Variants in PTPDC1 observed in about 807,000 individuals in gnomAD.
PTPDC1 encodes the protein protein tyrosine phosphatase domain-containing protein 1.
In PTPDC1, 53 loss-of-function variants were observed where a neutral mutation model predicts 75.3. That is an observed-to-expected ratio of 0.70 (90% confidence interval 0.56 to 0.88). The LOEUF (loss-of-function observed/expected upper bound fraction) is 0.88. Ranked by LOEUF, PTPDC1 falls within the 40% of genes least tolerant of loss-of-function variation. The probability of loss-of-function intolerance (pLI) is 0.00; values close to 1 mark genes in which losing one functional copy is unlikely to be tolerated. For synonymous variants in PTPDC1, 349 were observed against 366.2 expected (o/e 0.95, Z 0.54); for missense variants, 925 against 998.6 (o/e 0.93, Z 0.99).
chr9:94,037,970 T>A, intron 1 of PTPDC1: 1 of 282,088 alleles, frequency 3.5e-6, no homozygotes, highest in South Asian at 4.2e-5. Context: ...TTTGAGAGAG[T>A]GGGACGTCCG....
chr9:94,060,487 C>T (rs1184800542), intron 1 of PTPDC1, among the ~76,000 whole-genome samples: 4 of 152,154 alleles, frequency 2.6e-5, no homozygotes, highest in African/African-American at 9.7e-5. Flanking sequence ...TTTAAATAGT[C>T]ATTGTGTTAG....
intron 8 of PTPDC1, among the ~76,000 whole-genome samples, chr9:94,106,118 T>C (rs994034444): frequency 6.6e-6 from 1 of 152,204 alleles, no homozygotes; most frequent in African/African-American, 2.4e-5. Context: ...CTGAAAGCAG[T>C]AGGAATTCTT....
At chr9:94,075,230 G>C (rs974185118) in intron 2 of PTPDC1, among the ~76,000 whole-genome samples, 1 of 152,090 alleles carries the variant, frequency 6.6e-6, no homozygotes, top group Admixed American at 6.6e-5. Flanking sequence ...TTAGCTCCCT[G>C]ATCAGCCCCA....
At position 94,088,187 on chromosome 9, in the gene PTPDC1, G is replaced by A. The variant is rs369568736; in HGVS notation, c.540G>A (p.Glu180=). 6.2e-7 allele frequency: 1 copy of A among 1,613,904 alleles called. No homozygotes were observed. The highest frequency in any genetic ancestry group is 8.5e-7 in the Non-Finnish European group (1 of 1,179,938). The change falls in exon 4 of 9, where the codon GAG becomes GAA. Residue 180 remains glutamate, a synonymous_variant. Transcript: ENST00000620992. ...TAATCAACCTCCAGCGCCCTGGTGA[G>A]CATGCTAGCTGTGGGAACCCTCTGG... ...KTIINLQRPG[E]HASCGNPLEQ...
intron 4 of PTPDC1, among the ~76,000 whole-genome samples, chr9:94,094,184 G>A (rs1442815027): frequency 6.6e-6 from 1 of 152,068 alleles, no homozygotes; most frequent in African/African-American, 2.4e-5. Context: ...CAGTTTTTCT[G>A]TTCTGTTTTT....
At chr9:94,072,153 G>A (rs543735909) in intron 2 of PTPDC1, among the ~76,000 whole-genome samples, 9 of 152,110 alleles carry the variant, frequency 5.9e-5, no homozygotes, top group East Asian at 3.9e-4. Flanking sequence ...GATTACAGGC[G>A]CCTGCCACCA....
Position 94,107,969 on chromosome 9 carries a change from G to C in PTPDC1, c.*25G>C. The C allele has an allele frequency of 1.4e-6, 2 of 1,386,174 alleles. No homozygotes were observed. Among genetic ancestry groups the C allele is most frequent in the Non-Finnish European group, 2.0e-6 (2 of 1,008,826 alleles). 85.9% of individuals were successfully genotyped at this position (1,386,174 alleles called of 1,614,324 possible). ...GCTTTCACTCGTGGTGAATATTTCA[G>C]ACCTAAAGATCCAGATAGTATCTCT... On this transcript the variant is annotated 3_prime_UTR_variant, in exon 9 of 9. Coordinates refer to ENST00000620992, the MANE Select transcript of PTPDC1 (RefSeq NM_001253829.2).
chr9:94,045,214 G>C (rs1351288637), intron 1 of PTPDC1, among the ~76,000 whole-genome samples: 5 of 151,896 alleles, frequency 3.3e-5, no homozygotes, highest in African/African-American at 4.8e-5. Flanking sequence ...TGCTGTATAT[G>C]TGTCACATTT....
intron 7 of PTPDC1, among the ~76,000 whole-genome samples, chr9:94,103,454 G>GT (rs1827913626): frequency 1.3e-5 from 2 of 152,232 alleles, no homozygotes; most frequent in Non-Finnish European, 2.9e-5. Context: ...CAAAGCCCAT[G>GT]TGCTTTCTAT....
chr9:94,079,424 C>T (rs1406001942), intron 2 of PTPDC1, among the ~76,000 whole-genome samples: 2 of 152,164 alleles, frequency 1.3e-5, no homozygotes, highest in Non-Finnish European at 2.9e-5. Flanking sequence ...TGACAAAGCC[C>T]TGGGTCATCT....
chr9:94,078,474 C>T (rs1340528697), intron 2 of PTPDC1, among the ~76,000 whole-genome samples: 2 of 152,120 alleles, frequency 1.3e-5, no homozygotes, highest in East Asian at 1.9e-4. Context: ...ATGTATCCTA[C>T]TTAGAGTTTT....
chr9:94,081,921 C>T (rs1307807519), upstream of PTPDC1, among the ~76,000 whole-genome samples: 1 of 152,160 alleles, frequency 6.6e-6, no homozygotes, highest in Non-Finnish European at 1.5e-5. Flanking sequence ...AAGCTTTATT[C>T]TTTATTTTCA....
chr9:94,031,596 C>G (rs1381189057), intron 1 of PTPDC1, among the ~76,000 whole-genome samples: 1 of 152,072 alleles, frequency 6.6e-6, no homozygotes, highest in Non-Finnish European at 1.5e-5. Flanking sequence ...ATTTATCTCT[C>G]GGACATGCAT....
At chr9:94,057,444 A>AC (rs1825978061) in intron 1 of PTPDC1, among the ~76,000 whole-genome samples, 2 of 136,122 alleles carry the variant, frequency 1.5e-5, no homozygotes, top group South Asian at 2.3e-4. Context: ...ACAAATTCTT[A>AC]TAAAGATGGG....
chr9:94,083,184 A>C (rs907967336), upstream of PTPDC1, among the ~76,000 whole-genome samples: 1 of 152,196 alleles, frequency 6.6e-6, no homozygotes, highest in African/African-American at 2.4e-5. Context: ...TGTTCTTGTC[A>C]TGCAGACCTC....
Position 94,107,884 on chromosome 9 carries a change from T to G in PTPDC1, c.2367T>G (p.Phe789Leu), listed in dbSNP as rs757075661. 2.5e-6 allele frequency: 4 copies of G among 1,611,058 alleles called. No individual in the cohort carries two copies. The highest frequency in any genetic ancestry group is 3.4e-6 in the Non-Finnish European group (4 of 1,178,836). The change falls in exon 9 of 9, where the codon TTT becomes TTG. Residue 789 changes from phenylalanine (F) to leucine (L), a missense_variant. Phe to Leu is a conservative substitution (Grantham distance 22, BLOSUM62 0). Coordinates refer to ENST00000620992, the MANE Select transcript of PTPDC1 (RefSeq NM_001253829.2). ...PTVYNTLKKI[F>L]KHTLEEKRKM... ...TTTACAACACCCTGAAGAAAATATT[T>G]AAGCACACGCTGGAAGAAAAAAGAA...
Position 94,104,392 on chromosome 9 carries a change from C to T in PTPDC1, c.2310+7C>T. 1 of 1,570,560 alleles carries T rather than the reference C, an allele frequency of 6.4e-7. No homozygotes were observed. The highest frequency in any genetic ancestry group is 2.2e-5 in the East Asian group (1 of 44,662). ...CATTAAGGCATTCACTAAGGTGGGT[C>T]ATACTCTTCCTTTCCCCTCTCTGAA... On this transcript the variant is annotated splice_region_variant and intron_variant, in intron 8 of 8. Transcript: ENST00000620992.
At chr9:94,055,278 T>A (rs571926478) in intron 1 of PTPDC1, among the ~76,000 whole-genome samples, 3 of 152,346 alleles carry the variant, frequency 2.0e-5, no homozygotes, top group African/African-American at 7.2e-5. Flanking sequence ...TTTCCTCATC[T>A]ATAAACAGGA....
intron 1 of PTPDC1, among the ~76,000 whole-genome samples, chr9:94,063,371 T>C (rs1272155898): frequency 2.0e-5 from 3 of 152,162 alleles, no homozygotes; most frequent in African/African-American, 7.2e-5. Context: ...TCAAATTAAG[T>C]TTTTGCTAAT....
Sources: gnomAD v4.1 joint callset for allele counts (sites outside exome capture counted in the v4.1 genomes callset) on GRCh38, gnomAD v4.1.1 for gene constraint, MANE v1.5 for transcripts, NCBI Gene and HGNC (gene_info 2026-07-23, HGNC 2026-07-21) for gene names.